BEND7: variants seen among roughly 807,000 people sequenced by gnomAD.
BEND7 encodes the protein BEN domain containing 7.
Under a neutral mutation model 50.9 loss-of-function variants are expected in BEND7, and 28 were observed. The observed-to-expected ratio is 0.55, with a 90% CI of 0.41 to 0.75. The LOEUF (loss-of-function observed/expected upper bound fraction) is 0.75, where lower values mean the gene tolerates loss of function less well. BEND7 is among the 30% of genes least tolerant of loss of function. BEND7 has a pLI of 0.00. For missense variants in BEND7, 477 were observed against 491.3 expected (o/e 0.97, Z 0.28); for synonymous variants, 170 against 183.9 (o/e 0.92, Z 0.61).
chr10:13,450,365 A>T (rs1343125684), intron 7 of BEND7, among the ~76,000 whole-genome samples: 2 of 152,250 alleles, frequency 1.3e-5, no homozygotes, highest in Non-Finnish European at 2.9e-5. Context: ...GACAAAAAGC[A>T]TGAGAGCAGG....
chr10:13,504,364 C>T (rs955394332), intron 2 of BEND7, among the ~76,000 whole-genome samples: 1 of 152,154 alleles, frequency 6.6e-6, no homozygotes, highest in Non-Finnish European at 1.5e-5. Flanking sequence ...AACCCTAACC[C>T]GGGGAGGGGC....
chr10:13,516,749 AATACTT>A (rs1452601774), intron 2 of BEND7, among the ~76,000 whole-genome samples: 2 of 152,108 alleles, frequency 1.3e-5, no homozygotes, highest in Non-Finnish European at 2.9e-5. Flanking sequence ...TTATTTAACA[AATACTT>A]ATGATATTTC....
chr10:13,490,269 T>C (rs566832257), intron 5 of BEND7, among the ~76,000 whole-genome samples: 1 of 152,370 alleles, frequency 6.6e-6, no homozygotes, highest in African/African-American at 2.4e-5. Flanking sequence ...TCACTTTTCA[T>C]CGTTTCCAGT....
Position 13,481,016 on chromosome 10 carries a change from C to A in BEND7, c.946G>T (p.Val316Leu). Residue 316 changes from valine to leucine, a missense_variant, in exon 6 of 9, where the codon GTG (valine) becomes TTG (leucine). Physicochemically the swap from Val to Leu is conservative, Grantham distance 32. Transcript: ENST00000466271. ...RSGSLLFRKL[V>L]CAFFDDKTLA... ...GTCTTGTCATCAAAAAACGCACACA[C>A]CAGTTTTCTAAACAGAAGGCTTCCT... 1 of 1,614,128 alleles carries A rather than the reference C, an allele frequency of 6.2e-7. No homozygotes were observed. Among genetic ancestry groups the A allele is most frequent in the Non-Finnish European group, 8.5e-7 (1 of 1,180,022 alleles).
intron 6 of BEND7, chr10:13,480,647 T>G (rs2075789687): frequency 1.0e-6 from 1 of 985,028 alleles, no homozygotes; most frequent in Non-Finnish European, 1.2e-6. Flanking sequence ...AACTTCTTTT[T>G]GATTCTGCAG....
At chr10:13,461,218 C>A (rs1002922445) in intron 6 of BEND7, among the ~76,000 whole-genome samples, 2 of 152,150 alleles carry the variant, frequency 1.3e-5, no homozygotes, top group South Asian at 2.1e-4. Flanking sequence ...GCACAGCCTG[C>A]GACTGTCCTG....
chr10:13,465,452 T>C (rs11816083), intron 6 of BEND7, among the ~76,000 whole-genome samples: 2,090 of 152,286 alleles, frequency 0.014, 38 homozygotes, highest in African/African-American at 0.046. Context: ...AAGTCAAGGA[T>C]TGCAAAAGCT....
At chr10:13,454,228 G>A (rs1300581670) in intron 6 of BEND7, among the ~76,000 whole-genome samples, 4 of 152,206 alleles carry the variant, frequency 2.6e-5, no homozygotes, top group African/African-American at 7.2e-5. Flanking sequence ...TGTTAGGGGT[G>A]TTTGTGGAGC....
chr10:13,461,831 G>A (rs1274326936), intron 6 of BEND7, among the ~76,000 whole-genome samples: 2 of 152,180 alleles, frequency 1.3e-5, no homozygotes. Flanking sequence ...AAGCATTGCT[G>A]TTGAGACTCC....
chr10:13,502,930 CTCCTGCCAAAGG>C (rs2077587701), intron 2 of BEND7: 1 of 985,294 alleles, frequency 1.0e-6, no homozygotes, highest in Admixed American at 6.2e-5. Flanking sequence ...AGGGATGTGT[CTCCTGCCAAAGG>C]TCCTGCCTCT....
Position 13,441,705 on chromosome 10 carries a change from G to T in BEND7, c.*38C>A, listed in dbSNP as rs768490510. ...CAGAGGACGGATTTTAAAACCCATG[G>T]TGCAAAAAACACAAGAGCTGTGGTT... On this transcript the variant is annotated 3_prime_UTR_variant, in exon 9 of 9. Transcript: ENST00000466271. 1.9e-6 allele frequency: 3 copies of T among 1,613,118 alleles called. No individual in the cohort carries two copies. In the South Asian group the frequency reaches 3.3e-5, roughly 18 times the overall value.
chr10:13,512,651 A>G (rs2078359268), intron 2 of BEND7, among the ~76,000 whole-genome samples: 1 of 152,244 alleles, frequency 6.6e-6, no homozygotes, highest in African/African-American at 2.4e-5. Flanking sequence ...TTAATTCCAC[A>G]TCTACCTCAT....
At chr10:13,503,467 C>T (rs2077630859) in intron 2 of BEND7, among the ~76,000 whole-genome samples, 1 of 152,158 alleles carries the variant, frequency 6.6e-6, no homozygotes, top group South Asian at 2.1e-4. Flanking sequence ...AATCCCAGCA[C>T]TTTGGGAGGC....
At chr10:13,512,547 G>A (rs193235106) in intron 2 of BEND7, among the ~76,000 whole-genome samples, 54 of 152,296 alleles carry the variant, frequency 3.5e-4, no homozygotes, top group Non-Finnish European at 6.3e-4. Flanking sequence ...CCTTTTCAAT[G>A]TAAGTTGAAA....
intron 5 of BEND7, among the ~76,000 whole-genome samples, chr10:13,488,684 T>C (rs1225932212): frequency 6.6e-6 from 1 of 152,164 alleles, no homozygotes; most frequent in Non-Finnish European, 1.5e-5. Flanking sequence ...AGACGGGGTT[T>C]CACCATGTTG....
chr10:13,516,225 G>A (rs1006716160), intron 2 of BEND7, among the ~76,000 whole-genome samples: 3 of 152,208 alleles, frequency 2.0e-5, no homozygotes, highest in Non-Finnish European at 4.4e-5. Context: ...AGATCACGGA[G>A]GCAAAGGTAG....
At chr10:13,462,244 G>A (rs1053127968) in intron 6 of BEND7, among the ~76,000 whole-genome samples, 3 of 151,626 alleles carry the variant, frequency 2.0e-5, no homozygotes, top group Admixed American at 6.6e-5. Flanking sequence ...AAAGGAAAGA[G>A]GTTTAATGGA....
chr10:13,446,453 A>G (rs1105233), intron 8 of BEND7: 14,239 of 152,300 alleles, frequency 0.093, 693 homozygotes, highest in Admixed American at 0.12. Flanking sequence ...CATTCGGTTG[A>G]ACCTTTTCAG....
At chr10:13,467,289 A>T (rs915944822) in intron 6 of BEND7, among the ~76,000 whole-genome samples, 2 of 152,222 alleles carry the variant, frequency 1.3e-5, no homozygotes, top group African/African-American at 4.8e-5. Flanking sequence ...CTGGAGGGGA[A>T]GTATACGGAT....
Sources: allele counts gnomAD v4.1 joint callset (sites outside exome capture counted in the v4.1 genomes callset), GRCh38; gene constraint gnomAD v4.1.1; transcripts MANE v1.5; gene names NCBI Gene and HGNC (gene_info 2026-07-23, HGNC 2026-07-21).